CDH18: variants seen among roughly 807,000 people sequenced by gnomAD.
CDH18 encodes cadherin 18, also known as cadherin-18.
Under a neutral mutation model 67.9 loss-of-function variants are expected in CDH18, and 31 were observed. The ratio of observed to expected loss-of-function variants is 0.46; its 90% CI spans 0.34 to 0.62. CDH18 has a LOEUF of 0.62. Among genes scored for constraint, CDH18 ranks in the 20% least tolerant of loss-of-function variants. The pLI, the probability that CDH18 is intolerant of heterozygous loss-of-function variation, is 0.01. For missense variants in CDH18, 890 were observed against 975.5 expected, an observed-to-expected ratio of 0.91 and a Z score of 1.17; for synonymous variants, 362 against 347.2, an observed-to-expected ratio of 1.04 and a Z score of -0.48.
intron 1 of CDH18, among the ~76,000 whole-genome samples, chr5:20,509,182 C>G (rs1754860324): frequency 6.6e-6 from 1 of 152,088 alleles, no homozygotes; most frequent in South Asian, 2.1e-4. Flanking sequence ...CAATAGATCT[C>G]TTGAATTTGT....
At chr5:20,137,480 C>T (rs891069759) in intron 2 of CDH18, among the ~76,000 whole-genome samples, 7 of 152,058 alleles carry the variant, frequency 4.6e-5, no homozygotes, top group African/African-American at 1.4e-4. Context: ...GTTAGCCATT[C>T]ATCTAATCTT....
At chr5:20,548,720 T>A (rs879940432) in intron 1 of CDH18, among the ~76,000 whole-genome samples, 1 of 152,168 alleles carries the variant, frequency 6.6e-6, no homozygotes, top group Non-Finnish European at 1.5e-5. Flanking sequence ...GCCTTCTACA[T>A]AACTACTGCT....
chr5:20,372,414 A>C (rs577532254), intron 1 of CDH18, among the ~76,000 whole-genome samples: 2 of 152,260 alleles, frequency 1.3e-5, no homozygotes, highest in South Asian at 4.1e-4. Flanking sequence ...TAACTTCTCC[A>C]CTGCACTACT....
rs74672471 is a variant in CDH18 at position 19,694,978 on chromosome 5, G to T, written c.643+26369C>A. Among the ~76,000 whole-genome samples the T allele has an allele frequency of 2.7e-4, 41 of 152,186 alleles. No homozygotes were observed. In the East Asian group the frequency reaches 7.2e-3, roughly 27 times the overall value. Reference sequence around the variant, plus strand: ...GACGTTTCCATAGCTGGAGAACAGTGTACAGCAGTACCTAGGATAGTCCCT... The same window carrying T: ...GACGTTTCCATAGCTGGAGAACAGTTTACAGCAGTACCTAGGATAGTCCCT... On this transcript the variant is annotated intron_variant, in intron 5 of 12. Transcript: ENST00000382275.
chr5:20,120,907 T>C (rs867708386), intron 2 of CDH18, among the ~76,000 whole-genome samples: 5 of 152,164 alleles, frequency 3.3e-5, no homozygotes, highest in Non-Finnish European at 7.4e-5. Flanking sequence ...GAATTACCAT[T>C]CTTATAGCAA....
In CDH18 at chr5:20,383,853, T is replaced by G. The variant is rs1011611858; in HGVS notation, c.-579-128348A>C. ...GAAAAGGGAAATGACTTTGCATGAC[T>G]AGAGAAAGGATAATATCATTATCAA... is the stretch of plus-strand genomic sequence containing the variant. On this transcript the variant is annotated intron_variant, in intron 1 of 14. Transcript: ENST00000507958. Among the ~76,000 whole-genome samples, 7 of 152,070 alleles carry G rather than the reference T, an allele frequency of 4.6e-5. No homozygotes were observed. The South Asian group carries it at 1.0e-3, about 23-fold the overall frequency.
intron 10 of CDH18, among the ~76,000 whole-genome samples, chr5:19,514,712 A>G (rs1745679162): frequency 6.6e-6 from 1 of 151,984 alleles, no homozygotes; most frequent in African/African-American, 2.4e-5. Flanking sequence ...TTTCTTGTAC[A>G]TTTGTTTAAG....
chr5:19,994,042 C>A (rs1448283260), intron 2 of CDH18, among the ~76,000 whole-genome samples: 1 of 152,024 alleles, frequency 6.6e-6, no homozygotes, highest in Non-Finnish European at 1.5e-5. Context: ...AAAATGCTTT[C>A]TGAGAGGAGG....
chr5:20,390,768 A>G (rs1744777897), intron 1 of CDH18, among the ~76,000 whole-genome samples: 1 of 152,226 alleles, frequency 6.6e-6, no homozygotes. Flanking sequence ...CTGGATTAAG[A>G]AAATGTGGCA....
chr5:20,440,248 G>T (rs1472895), intron 1 of CDH18, among the ~76,000 whole-genome samples: 150,747 of 151,818 alleles, frequency 0.99, 74,875 homozygotes, highest in Middle Eastern at 1. Flanking sequence ...TTTGAGAGTT[G>T]AAACTTCGGA....
intron 5 of CDH18, among the ~76,000 whole-genome samples, chr5:19,621,089 T>C (rs1750614167): frequency 6.6e-6 from 1 of 152,076 alleles, no homozygotes; most frequent in South Asian, 2.1e-4. Flanking sequence ...TGTGAGTAAA[T>C]ATCATTAGAT....
Position 20,147,918 on chromosome 5 carries a change from G to A in CDH18, c.-518+107526C>T, listed in dbSNP as rs930807105. On this transcript the variant is annotated intron_variant, in intron 2 of 14. Transcript: ENST00000507958. The stretch of plus-strand genomic sequence containing the variant: ...TAAAAAGGAGATTTCAAGGTCCTTA[G>A]GCCAATAACCAACTTAAAGAGTTAG... Among the ~76,000 whole-genome samples, 12 of 152,194 alleles carry A rather than the reference G, an allele frequency of 7.9e-5. No individual in the cohort carries two copies. The East Asian group carries it at 2.3e-3, about 29-fold the overall frequency.
chr5:19,617,286 G>T (rs541707140), intron 5 of CDH18, among the ~76,000 whole-genome samples: 1 of 152,232 alleles, frequency 6.6e-6, no homozygotes, highest in African/African-American at 2.4e-5. Flanking sequence ...GTAAGCCAAT[G>T]GATAAAGATA....
At chr5:19,794,729 G>A (rs924331435) in intron 3 of CDH18, among the ~76,000 whole-genome samples, 1 of 152,044 alleles carries the variant, frequency 6.6e-6, no homozygotes, top group African/African-American at 2.4e-5. Flanking sequence ...ATCCCCTTCA[G>A]TGATATAATT....
At chr5:20,270,231 C>G (rs1205005942) in intron 1 of CDH18, among the ~76,000 whole-genome samples, 1 of 151,150 alleles carries the variant, frequency 6.6e-6, no homozygotes. Flanking sequence ...GTAATAGAAA[C>G]AGCTAGCTAT....
At chr5:20,018,804 T>TC (rs1381165979) in intron 2 of CDH18, among the ~76,000 whole-genome samples, 2 of 150,694 alleles carry the variant, frequency 1.3e-5, no homozygotes, top group African/African-American at 4.9e-5. Flanking sequence ...GCATTCTTTT[T>TC]TTTTTTTTGA....
chr5:19,615,502 A>G (rs2150122695), intron 5 of CDH18, among the ~76,000 whole-genome samples: 1 of 152,238 alleles, frequency 6.6e-6, no homozygotes, highest in Admixed American at 6.5e-5. Flanking sequence ...AGTATTCCAT[A>G]CCAGAATGGT....
chr5:20,462,962 TCA>T (rs1252050561), intron 1 of CDH18, among the ~76,000 whole-genome samples: 5 of 152,286 alleles, frequency 3.3e-5, no homozygotes, highest in African/African-American at 1.2e-4. Context: ...TATTGTAAAC[TCA>T]CATACTCTGG....
intron 2 of CDH18, among the ~76,000 whole-genome samples, chr5:20,236,866 C>T (rs1742511757): frequency 2.0e-5 from 3 of 151,858 alleles, no homozygotes; most frequent in Non-Finnish European, 2.9e-5. Context: ...TATCACCAGA[C>T]ACATATATTA....
Sources: gnomAD v4.1 joint callset for allele counts (sites outside exome capture counted in the v4.1 genomes callset) on GRCh38, gnomAD v4.1.1 for gene constraint, MANE v1.5 for transcripts, NCBI Gene and HGNC (gene_info 2026-07-23, HGNC 2026-07-21) for gene names.